The following PTPN14 variants were observed in gnomAD, a reference collection of about 807,000 sequenced individuals.
PTPN14 encodes protein tyrosine phosphatase non-receptor type 14.
Under a neutral mutation model 126.8 loss-of-function variants are expected in PTPN14, and 53 were observed. The observed-to-expected ratio is 0.42, with a 90% CI of 0.34 to 0.53. PTPN14 has a LOEUF of 0.53. Ranked by LOEUF, PTPN14 falls within the 20% of genes least tolerant of loss-of-function variation. The pLI is 0.08. For synonymous variants in PTPN14, 630 were observed against 599.3 expected (o/e 1.05, Z -0.75); for missense variants, 1,257 against 1,552.9 (o/e 0.81, Z 3.20).
chr1:214,454,801 G>A (rs540887355), intron 2 of PTPN14, among the ~76,000 whole-genome samples: 5 of 152,318 alleles, frequency 3.3e-5, no homozygotes, highest in African/African-American at 1.2e-4. Flanking sequence ...ATTATCCAGT[G>A]AAATAATTAC....
intron 3 of PTPN14, among the ~76,000 whole-genome samples, chr1:214,441,041 A>G (rs1350715861): frequency 6.6e-6 from 1 of 152,196 alleles, no homozygotes; most frequent in Non-Finnish European, 1.5e-5. Flanking sequence ...TTACTCTGAT[A>G]AAGCCAGTGA....
intron 3 of PTPN14, among the ~76,000 whole-genome samples, chr1:214,445,511 C>T (rs1660123259): frequency 6.7e-6 from 1 of 150,230 alleles, no homozygotes; most frequent in South Asian, 2.1e-4. Flanking sequence ...GCAACCATAA[C>T]ATTCAACAGT....
chr1:214,469,827 C>T (rs1233855195), intron 1 of PTPN14, among the ~76,000 whole-genome samples: 1 of 143,172 alleles, frequency 7.0e-6, no homozygotes, highest in Non-Finnish European at 1.5e-5. Flanking sequence ...TGGGGAAAGG[C>T]GGGGGTATGT....
At chr1:214,415,201 TA>T (rs1226349533) in intron 3 of PTPN14, among the ~76,000 whole-genome samples, 1 of 152,142 alleles carries the variant, frequency 6.6e-6, no homozygotes, top group Non-Finnish European at 1.5e-5. Context: ...AAAAATCAAA[TA>T]CAGTTTTCAC....
chr1:214,450,741 A>C (rs1315296054), intron 3 of PTPN14, among the ~76,000 whole-genome samples: 4 of 152,176 alleles, frequency 2.6e-5, no homozygotes, highest in Non-Finnish European at 5.9e-5. Context: ...TGATGAGGAG[A>C]CTTCCCAGGT....
chr1:214,464,013 T>A (rs566075467), intron 2 of PTPN14, among the ~76,000 whole-genome samples: 3 of 152,276 alleles, frequency 2.0e-5, no homozygotes, highest in African/African-American at 7.2e-5. Context: ...AGCATGACTT[T>A]CTAAGTGGTC....
At chr1:214,510,126 G>A (rs1654937417) in intron 1 of PTPN14, among the ~76,000 whole-genome samples, 1 of 152,178 alleles carries the variant, frequency 6.6e-6, no homozygotes, top group Admixed American at 6.5e-5. Flanking sequence ...GGAGGCGGGA[G>A]GAGAGGGAGA....
chr1:214,466,159 A>G (rs532171883), intron 1 of PTPN14, among the ~76,000 whole-genome samples: 45 of 150,994 alleles, frequency 3.0e-4, no homozygotes, highest in Non-Finnish European at 5.5e-4. Context: ...CCGGGGTTTC[A>G]CCATATTGGC....
intron 3 of PTPN14, among the ~76,000 whole-genome samples, chr1:214,429,600 C>T (rs1244251539): frequency 6.6e-6 from 1 of 152,168 alleles, no homozygotes; most frequent in East Asian, 1.9e-4. Flanking sequence ...TTGTATATAA[C>T]AGATGCTCAG....
intron 9 of PTPN14, among the ~76,000 whole-genome samples, chr1:214,394,182 T>C (rs1031500908): frequency 6.6e-6 from 1 of 152,208 alleles, no homozygotes; most frequent in Non-Finnish European, 1.5e-5. Context: ...GGTCAGTCCC[T>C]CAGCTACTTC....
At chr1:214,426,032 C>CAAAAAAAAA (rs66656875) in intron 3 of PTPN14, among the ~76,000 whole-genome samples, 22 of 33,856 alleles carry the variant, frequency 6.5e-4, no homozygotes, top group East Asian at 1.5e-3. Context: ...GCATAAATCG[C>CAAAAAAAAA]AAAAAAAAAA....
rs142292088 is a variant in PTPN14, at chr1:214,485,486, A to G, written c.-154-20529T>C. The stretch of plus-strand genomic sequence containing the variant: ...AAGTCCTCATTAGACAAGTGGTATG[A>G]AATTCTCCTTCCTGTAATTGCTGAG... On this transcript the variant is annotated intron_variant, in intron 1 of 18. Transcript: ENST00000366956. Among the ~76,000 whole-genome samples, 210 of 152,336 alleles carry G rather than the reference A, an allele frequency of 1.4e-3. 1 individual carries two copies. The highest frequency in any genetic ancestry group is 5.0e-3 in the African/African-American group (207 of 41,588).
intron 1 of PTPN14, among the ~76,000 whole-genome samples, chr1:214,545,207 A>T (rs1483911720): frequency 6.6e-6 from 1 of 152,208 alleles, no homozygotes; most frequent in Non-Finnish European, 1.5e-5. Context: ...AAAGAGTAAA[A>T]ATAATTTTCT....
At chr1:214,412,383 T>C (rs1020046076) in intron 4 of PTPN14, among the ~76,000 whole-genome samples, 1 of 152,200 alleles carries the variant, frequency 6.6e-6, no homozygotes, top group African/African-American at 2.4e-5. Flanking sequence ...TCATGTAAAA[T>C]ATTTAGCATC....
chr1:214,373,617 G>C (rs1242839285), intron 15 of PTPN14, among the ~76,000 whole-genome samples: 1 of 139,278 alleles, frequency 7.2e-6, no homozygotes, highest in Non-Finnish European at 1.5e-5. Flanking sequence ...ACCTGGTCAT[G>C]ACCACTAAAC....
At chr1:214,516,097 G>T (rs548342683) in intron 1 of PTPN14, among the ~76,000 whole-genome samples, 21 of 152,198 alleles carry the variant, frequency 1.4e-4, no homozygotes, top group African/African-American at 5.1e-4. Context: ...CACCCCAGAG[G>T]AGCTAGATTA....
intron 1 of PTPN14, chr1:214,532,613 C>T: frequency 2.2e-6 from 2 of 927,122 alleles, no homozygotes; most frequent in Non-Finnish European, 3.6e-6. Context: ...TTAGCAAATA[C>T]TGTGGACAAT....
rs3830398 is a variant in PTPN14, at chr1:214,357,735, GA to G, written c.*186del. On this transcript the variant is annotated 3_prime_UTR_variant, in exon 19 of 19. Transcript: ENST00000366956. The stretch of plus-strand genomic sequence containing the variant: ...AATTCACAAAAGTTATTCCAAAGGG[GA>G]AAAAAATAAATTATCTCATATAAAA... 219,251 of 484,444 alleles carry G rather than the reference GA, an allele frequency of 0.45. 53,000 individuals carry two copies. Among genetic ancestry groups the G allele is most frequent in the Non-Finnish European group, 0.51 (137,554 of 268,186 alleles). 30.0% of individuals were successfully genotyped at this position (484,444 alleles called of 1,614,324 possible).
intron 1 of PTPN14, chr1:214,532,631 T>C: frequency 1.1e-6 from 1 of 897,618 alleles, no homozygotes; most frequent in South Asian, 1.3e-5. Context: ...AATGCCTGCA[T>C]CGTTCTGCAG....
Sources: allele counts gnomAD v4.1 joint callset (sites outside exome capture counted in the v4.1 genomes callset), GRCh38; gene constraint gnomAD v4.1.1; transcripts MANE v1.5; gene names NCBI Gene and HGNC (gene_info 2026-07-23, HGNC 2026-07-21).